The following CYFIP1 variants were observed in gnomAD, a reference collection of about 807,000 sequenced individuals.
CYFIP1 encodes the protein cytoplasmic FMR1-interacting protein 1.
CYFIP1 carries 58 observed loss-of-function variants against 163.5 expected under a neutral mutation model. The ratio of observed to expected loss-of-function variants is 0.35; its 90% CI spans 0.29 to 0.44. The LOEUF is 0.44. Among genes scored for constraint, CYFIP1 ranks in the 20% least tolerant of loss-of-function variants. CYFIP1 has a pLI of 1.00. For missense variants in CYFIP1, 1,338 were observed against 1,653.8 expected, an observed-to-expected ratio of 0.81 and a Z score of 3.31; for synonymous variants, 663 against 660.7, an observed-to-expected ratio of 1.00 and a Z score of -0.05.
chr15:22,919,043 C>T (rs1426352100), intron 13 of CYFIP1, among the ~76,000 whole-genome samples, 185 bp from the exon 14 acceptor site: 1 of 152,190 alleles, frequency 6.6e-6, no homozygotes, highest in East Asian at 1.9e-4. Flanking sequence ...ACTGTGCCCG[C>T]ATCTGACTCC....
At chr15:22,887,802 T>C (rs2059967692) in intron 23 of CYFIP1, among the ~76,000 whole-genome samples, 1 of 152,064 alleles carries the variant, frequency 6.6e-6, no homozygotes, top group Admixed American at 6.6e-5. Context: ...AGACTTAAGC[T>C]CAGAAGAGGA....
Position 22,914,854 on chromosome 15 carries a change from C to G in CYFIP1, c.1857G>C (p.Ser619=), listed in dbSNP as rs147012760. 522 of 1,613,384 alleles carry G rather than the reference C, an allele frequency of 3.2e-4. 3 individuals carry two copies. In the African/African-American group the frequency reaches 6.4e-3, roughly 20 times the overall value. The change falls in exon 17 of 31, where the codon TCG becomes TCC. Residue 619 remains serine (S), a synonymous_variant. Transcript: ENST00000617928. ...SETLQQCCDL[S]QLWFREFFLE... is the part of the protein sequence containing the mutation. ...GGAAGAACTCTCGGAACCACAGCTG[C>G]GAAAGGTCACAGCACTGCTGCAGCG...
rs1333054480 is a variant in CYFIP1, at chr15:22,869,135, G to A, written c.*893C>T. On this transcript the variant is annotated 3_prime_UTR_variant, in exon 31 of 31. Transcript: ENST00000617928. ...TGGACTCGGTGCTCCCGGTCCCTTT[G>A]TGCAGCACCCACTGGGCCTGACTGA... 6.6e-6 allele frequency: 1 copy of A among 152,272 alleles called. No homozygotes were observed. The allele number at this position is 152,272 out of a possible 1,614,324, so 9.4% of individuals were successfully genotyped here. A position where few individuals can be genotyped will look rare whatever the true frequency, so the allele number is the denominator to read the frequency against.
Position 22,932,409 on chromosome 15 carries a change from G to C in CYFIP1, c.993-69C>G, listed in dbSNP as rs2061568300. ...CAGGCCACAGCACTGGGGCAGCTCA[G>C]GACGCCTGTTTGGCACCAGAGCCAC... On this transcript the variant is annotated intron_variant, in intron 10 of 30. Coordinates refer to ENST00000617928, the MANE Select transcript of CYFIP1 (RefSeq NM_014608.6). 2.7e-6 allele frequency: 3 copies of C among 1,093,934 alleles called. No homozygotes were observed. The African/African-American group carries it at 4.9e-5, about 18-fold the overall frequency. The allele number at this position is 1,093,934 out of a possible 1,614,324, so 67.8% of individuals were successfully genotyped here. A position where few individuals can be genotyped will look rare whatever the true frequency, so the allele number is the denominator to read the frequency against.
At chr15:22,923,958 A>C (rs1264838450) in intron 13 of CYFIP1, among the ~76,000 whole-genome samples, 1 of 150,772 alleles carries the variant, frequency 6.6e-6, no homozygotes, top group Non-Finnish European at 1.5e-5. Flanking sequence ...AAAAAAAAAA[A>C]AAAAAAACAA....
At chr15:22,914,951 A>T (rs2060919804) in intron 16 of CYFIP1, 69 bp from the exon 17 acceptor site, 2 of 1,506,028 alleles carry the variant, frequency 1.3e-6, no homozygotes, top group Non-Finnish European at 8.9e-7. Flanking sequence ...GAGATGACAC[A>T]AGGGCTGTGT....
intron 23 of CYFIP1, among the ~76,000 whole-genome samples, chr15:22,887,572 G>C (rs1316427339): frequency 2.0e-5 from 3 of 152,172 alleles, no homozygotes; most frequent in South Asian, 2.1e-4. Flanking sequence ...CAGGATGACA[G>C]CTGTCAGAGG....
At chr15:22,937,712 C>T in intron 8 of CYFIP1, among the ~76,000 whole-genome samples, 1 of 151,618 alleles carries the variant, frequency 6.6e-6, no homozygotes, top group East Asian at 1.9e-4. Flanking sequence ...GATTCTCCTG[C>T]CTCAGCCTCC....
At chr15:22,976,792 G>A (rs2063297506) in intron 1 of CYFIP1, among the ~76,000 whole-genome samples, 5 of 152,166 alleles carry the variant, frequency 3.3e-5, no homozygotes, top group Admixed American at 3.3e-4. Flanking sequence ...GCTTCCATTG[G>A]AACGTATCGT....
intron 1 of CYFIP1, among the ~76,000 whole-genome samples, chr15:22,961,168 C>T (rs1394497373): frequency 6.6e-6 from 1 of 151,432 alleles, no homozygotes; most frequent in Non-Finnish European, 1.5e-5. Context: ...ATTACAGGGG[C>T]TCGCCACCAT....
chr15:22,883,773 C>T (rs549089076), intron 23 of CYFIP1, among the ~76,000 whole-genome samples: 7 of 144,676 alleles, frequency 4.8e-5, no homozygotes, highest in South Asian at 2.3e-4. Context: ...GCCGAGATCG[C>T]GCCACTGCAC....
intron 1 of CYFIP1, among the ~76,000 whole-genome samples, 193 bp from the exon 2 acceptor site, chr15:22,947,484 C>T (rs147880679): frequency 1.6e-4 from 25 of 152,232 alleles, no homozygotes; most frequent in Non-Finnish European, 3.2e-4. Flanking sequence ...GGCTGGGAGG[C>T]CCTGTGCAGC....
At chr15:22,980,483 C>T (rs967163886), upstream of CYFIP1, 1 of 152,132 alleles carries the variant, frequency 6.6e-6, no homozygotes, top group Non-Finnish European at 1.5e-5. Flanking sequence ...GCTCCCTCCT[C>T]CTGGCGGGGC....
At chr15:22,974,656 G>C (rs548994338) in intron 1 of CYFIP1, among the ~76,000 whole-genome samples, 2 of 152,138 alleles carry the variant, frequency 1.3e-5, no homozygotes. Context: ...CTGGAACCCA[G>C]GAGGCGGAGG....
At chr15:22,923,464 T>C (rs2061254327) in intron 13 of CYFIP1, among the ~76,000 whole-genome samples, 1 of 152,116 alleles carries the variant, frequency 6.6e-6, no homozygotes, top group Non-Finnish European at 1.5e-5. Context: ...AGACATACAA[T>C]AACAAGTTTG....
intron 16 of CYFIP1, 28 bp downstream of exon 16, chr15:22,916,449 C>G (rs1301225273): frequency 6.6e-7 from 1 of 1,525,784 alleles, no homozygotes; most frequent in Non-Finnish European, 9.0e-7. Context: ...ACATGCCAGG[C>G]CGGATGCTGC....
At chr15:22,904,033 C>T (rs911878660) in intron 21 of CYFIP1, 128 bp from the exon 22 acceptor site, 104 of 821,594 alleles carry the variant, frequency 1.3e-4, no homozygotes, top group Middle Eastern at 4.9e-4. Flanking sequence ...CCCCAGTGAG[C>T]GTAGGCTCTG....
intron 22 of CYFIP1, among the ~76,000 whole-genome samples, chr15:22,895,159 C>T (rs560540595): frequency 2.0e-5 from 3 of 152,016 alleles, no homozygotes; most frequent in Admixed American, 1.3e-4. Context: ...GGACTACAGG[C>T]GCCCGCCACC....
intron 1 of CYFIP1, among the ~76,000 whole-genome samples, chr15:22,968,513 AC>A (rs1459800913): frequency 2.6e-5 from 4 of 152,170 alleles, no homozygotes; most frequent in African/African-American, 7.2e-5. Flanking sequence ...GCCAGCCTCT[AC>A]AATTGTGAGT....
Sources: allele counts gnomAD v4.1 joint callset (sites outside exome capture counted in the v4.1 genomes callset), GRCh38; gene constraint gnomAD v4.1.1; transcripts MANE v1.5; gene names NCBI Gene and HGNC (gene_info 2026-07-23, HGNC 2026-07-21).